MYOCD: variants seen among roughly 807,000 people sequenced by gnomAD.
MYOCD encodes the protein myocardin.
Under a neutral mutation model 96.1 loss-of-function variants are expected in MYOCD, and 32 were observed. The observed-to-expected ratio is 0.33, with a 90% CI of 0.25 to 0.45. The LOEUF (loss-of-function observed/expected upper bound fraction) is 0.45. MYOCD is among the 20% of genes least tolerant of loss of function. The pLI is 1.00. For synonymous variants in MYOCD, 469 were observed against 469.0 expected (o/e 1.00, Z 0.00); for missense variants, 1,133 against 1,200.6 (o/e 0.94, Z 0.83).
chr17:12,765,887 A>C lies in MYOCD; in HGVS notation c.*2243A>C, dbSNP rs768422946. On this transcript the variant is annotated 3_prime_UTR_variant, in exon 14 of 14. Coordinates refer to ENST00000425538, the MANE Select transcript of MYOCD (RefSeq NM_001146312.3). ...TAGAGGAATATGAAAGGAACAAGAA[A>C]ATCATTTTACATTCCTTTTATCTGT... is the stretch of plus-strand genomic sequence containing the variant. The C allele has an allele frequency of 6.6e-6, 1 of 152,250 alleles. No homozygotes were observed. Among genetic ancestry groups the C allele is most frequent in the Admixed American group, 6.5e-5 (1 of 15,278 alleles). The allele number at this position is 152,250 out of a possible 1,614,324, so 9.4% of individuals were successfully genotyped here.
chr17:12,754,144 A>T (rs2032944020), intron 10 of MYOCD, among the ~76,000 whole-genome samples: 1 of 151,642 alleles, frequency 6.6e-6, no homozygotes. Flanking sequence ...TCGCTCTGTC[A>T]CCCAGGCTAG....
At chr17:12,697,359 ATTTTTTTTTT>A (rs71144918) in intron 1 of MYOCD, among the ~76,000 whole-genome samples, 4 of 75,736 alleles carry the variant, frequency 5.3e-5, no homozygotes, top group Non-Finnish European at 6.9e-5. Context: ...ATATATATAT[ATTTTTTTTTT>A]TTTTTTTTTT....
chr17:12,709,450 G>A (rs1467063425), intron 2 of MYOCD, among the ~76,000 whole-genome samples: 1 of 152,114 alleles, frequency 6.6e-6, no homozygotes, highest in Non-Finnish European at 1.5e-5. Context: ...AGACAGGCAG[G>A]GTTCTGAGGC....
rs552203360 is a variant in MYOCD at position 12,752,439 on chromosome 17, G to A, written c.1151G>A (p.Arg384Gln). ...LKVSELRQQL[R>Q]IRGLPVSGTK... The stretch of plus-strand genomic sequence containing the variant: ...GTCTCTGAATTAAGACAACAGCTTC[G>A]AATTCGGGGCTTGCCTGTGTCAGGC... The change falls in exon 10 of 14, where the codon CGA becomes CAA. Residue 384 changes from arginine to glutamine, a missense_variant. Transcript: ENST00000425538. The A allele has an allele frequency of 3.1e-6, 5 of 1,612,488 alleles. No homozygotes were observed. Among genetic ancestry groups the A allele is most frequent in the Non-Finnish European group, 3.4e-6 (4 of 1,179,278 alleles).
At position 12,729,881 on chromosome 17, in the gene MYOCD, T is replaced by C. The variant is rs1489523763; in HGVS notation, c.416-6280T>C. On this transcript the variant is annotated intron_variant, in intron 5 of 13. Coordinates refer to ENST00000425538, the MANE Select transcript of MYOCD (RefSeq NM_001146312.3). ...CTCAAGAGCAACGCAGGGCAGGTAT[T>C]TACACAGGTTAACTGCTTTTCCTGA... Among the ~76,000 whole-genome samples, 3 of 152,276 alleles carry C rather than the reference T, an allele frequency of 2.0e-5. No individual in the cohort carries two copies. In the East Asian group the frequency reaches 5.8e-4, roughly 29 times the overall value.
At chr17:12,737,203 TGAG>T in intron 6 of MYOCD, among the ~76,000 whole-genome samples, 1 of 152,092 alleles carries the variant, frequency 6.6e-6, no homozygotes, top group Non-Finnish European at 1.5e-5. Flanking sequence ...TGCAGTGAGC[TGAG>T]ATCATGCCAC....
intron 1 of MYOCD, among the ~76,000 whole-genome samples, chr17:12,688,250 C>T (rs934486135): frequency 2.0e-5 from 3 of 152,166 alleles, no homozygotes; most frequent in African/African-American, 7.2e-5. Flanking sequence ...TCAGTACAAC[C>T]TGAACTGAAG....
chr17:12,731,003 G>C (rs1211363158), intron 5 of MYOCD, among the ~76,000 whole-genome samples: 2 of 152,198 alleles, frequency 1.3e-5, no homozygotes, highest in Non-Finnish European at 2.9e-5. Context: ...CGAGTCACCA[G>C]CCCAAGATCC....
At chr17:12,752,265 G>A in intron 9 of MYOCD, 149 bp from the exon 10 acceptor site, 1 of 661,444 alleles carries the variant, frequency 1.5e-6, no homozygotes, top group Non-Finnish European at 2.5e-6. Context: ...TTTATATCAG[G>A]GGTAGGAGAG....
At chr17:12,744,643 A>G (rs1485768819) in intron 8 of MYOCD, among the ~76,000 whole-genome samples, 1 of 152,154 alleles carries the variant, frequency 6.6e-6, no homozygotes, top group Non-Finnish European at 1.5e-5. Context: ...AGGGCCCTCT[A>G]TATCTGCAGA....
rs767872561 is a variant in MYOCD at position 12,752,510 on chromosome 17, T to C, written c.1222T>C (p.Ser408Pro). 6.2e-7 allele frequency: 1 copy of C among 1,614,160 alleles called. No individual in the cohort carries two copies. The highest frequency in any genetic ancestry group is 1.7e-5 in the Admixed American group (1 of 60,030). ...MDRLRPFQDC[S>P]GNPVPNFGDI... ...CCGGCTTCGACCCTTCCAGGACTGC[T>C]CTGGCAACCCAGTGCCGAACTTTGG... Residue 408 changes from serine to proline, a missense_variant, in exon 10 of 14, where the codon TCT becomes CCT. By Grantham distance (74) the Ser-to-Pro change is moderately conservative. Coordinates refer to ENST00000425538, the MANE Select transcript of MYOCD (RefSeq NM_001146312.3).
chr17:12,695,829 T>G (rs74593176), intron 1 of MYOCD, among the ~76,000 whole-genome samples: 3,084 of 152,192 alleles, frequency 0.02, 143 homozygotes, highest in Admixed American at 0.11. Flanking sequence ...CTGTTTGCAT[T>G]AAACTATAAC....
intron 5 of MYOCD, among the ~76,000 whole-genome samples, chr17:12,735,079 C>T (rs1006516424): frequency 6.6e-6 from 1 of 152,312 alleles, no homozygotes; most frequent in East Asian, 1.9e-4. Context: ...AAGCCCAAAG[C>T]CACATTTGTT....
intron 1 of MYOCD, among the ~76,000 whole-genome samples, chr17:12,698,882 A>G (rs990996472): frequency 3.3e-5 from 5 of 151,010 alleles, no homozygotes; most frequent in African/African-American, 1.2e-4. Flanking sequence ...AGTTGGGACT[A>G]CAGACGCCCG....
chr17:12,734,569 G>A (rs1411374384), intron 5 of MYOCD, among the ~76,000 whole-genome samples: 1 of 129,116 alleles, frequency 7.7e-6, no homozygotes, highest in Non-Finnish European at 1.5e-5. Context: ...AGAGTTCAGT[G>A]GTGTGATCTC....
intron 1 of MYOCD, among the ~76,000 whole-genome samples, chr17:12,698,604 A>G (rs1224545394): frequency 1.3e-5 from 2 of 152,212 alleles, no homozygotes; most frequent in African/African-American, 4.8e-5. Context: ...AATGCCTTCA[A>G]TCTTTATAAC....
At chr17:12,699,890 T>C (rs867389282) in intron 1 of MYOCD, among the ~76,000 whole-genome samples, 1 of 127,406 alleles carries the variant, frequency 7.8e-6, no homozygotes, top group Non-Finnish European at 1.7e-5. Flanking sequence ...TAATATATAT[T>C]TCTTTTTTTT....
chr17:12,704,835 A>C (rs1348423651), intron 1 of MYOCD: 2 of 274,600 alleles, frequency 7.3e-6, no homozygotes, highest in Non-Finnish European at 1.4e-5. Context: ...TTTATCTTGC[A>C]AATGACAGAG....
intron 10 of MYOCD, among the ~76,000 whole-genome samples, chr17:12,755,604 C>T (rs1474567253): frequency 6.6e-6 from 1 of 151,690 alleles, no homozygotes; most frequent in Non-Finnish European, 1.5e-5. Context: ...AGGCCAGGCG[C>T]GATGGTTCAT....
Sources: gnomAD v4.1 joint callset for allele counts (sites outside exome capture counted in the v4.1 genomes callset) on GRCh38, gnomAD v4.1.1 for gene constraint, MANE v1.5 for transcripts, NCBI Gene and HGNC (gene_info 2026-07-23, HGNC 2026-07-21) for gene names.